C4orf36: variants seen among roughly 807,000 people sequenced by gnomAD.
The protein encoded by C4orf36 is chromosome 4 open reading frame 36.
A neutral mutation model predicts 12.2 loss-of-function variants in C4orf36; 11 were observed. The ratio of observed to expected loss-of-function variants is 0.90; its 90% confidence interval spans 0.57 to 1.49. The LOEUF (loss-of-function observed/expected upper bound fraction) is 1.49, where lower values mean the gene tolerates loss of function less well. Ranked by LOEUF, C4orf36 falls within the 40% of genes most tolerant of loss-of-function variation. The pLI, the probability that C4orf36 is intolerant of heterozygous loss-of-function variation, is 0.00. For synonymous variants in C4orf36, 54 were observed against 51.3 expected, an observed-to-expected ratio of 1.05 and a Z score of -0.22; for missense variants, 137 against 133.9, an observed-to-expected ratio of 1.02 and a Z score of -0.11.
the C4orf36 span, among the ~76,000 whole-genome samples, chr4:86,909,061 A>G: frequency 6.6e-6 from 1 of 152,110 alleles, no homozygotes; most frequent in Admixed American, 6.6e-5. Flanking sequence ...GGATATGCCA[A>G]TCTCTCTGTG....
chr4:86,896,891 G>A (rs182389090), upstream of C4orf36, among the ~76,000 whole-genome samples: 451 of 152,270 alleles, frequency 3.0e-3, 1 homozygote, highest in African/African-American at 9.9e-3. Context: ...AATGGCCCAT[G>A]AGTCTCCTAT....
the C4orf36 span, among the ~76,000 whole-genome samples, chr4:86,916,306 A>G: frequency 5.9e-5 from 9 of 151,430 alleles, no homozygotes; most frequent in Middle Eastern, 6.8e-3. Flanking sequence ...ATCAAGGGAA[A>G]TTCACAGCAG....
At chr4:86,919,914 A>G in the C4orf36 span, among the ~76,000 whole-genome samples, 1 of 152,222 alleles carries the variant, frequency 6.6e-6, no homozygotes, top group South Asian at 2.1e-4. Context: ...GTAGCATCCC[A>G]GCTACTCAGG....
chr4:86,890,480 AAATAAT>A (rs56235500), intron 2 of C4orf36, among the ~76,000 whole-genome samples: 7,973 of 147,204 alleles, frequency 0.054, 288 homozygotes, highest in African/African-American at 0.094. Flanking sequence ...AATGCAAATA[AAATAAT>A]AATAATAATA....
the C4orf36 span, among the ~76,000 whole-genome samples, chr4:86,920,854 G>A: frequency 3.9e-5 from 6 of 151,994 alleles, no homozygotes; most frequent in Admixed American, 6.6e-5. Flanking sequence ...ATATATGGCC[G>A]GGCATGGTGG....
chr4:86,929,038 G>T, the C4orf36 span, among the ~76,000 whole-genome samples: 3 of 152,146 alleles, frequency 2.0e-5, no homozygotes, highest in Non-Finnish European at 4.4e-5. Flanking sequence ...AACCTCCTAT[G>T]CTCTATCATG....
chr4:86,906,948 G>C, the C4orf36 span, among the ~76,000 whole-genome samples: 3 of 152,002 alleles, frequency 2.0e-5, no homozygotes, highest in Admixed American at 2.0e-4. Flanking sequence ...GCTGAGGCAG[G>C]AGAATTGCTT....
chr4:86,928,417 T>C, the C4orf36 span, among the ~76,000 whole-genome samples: 1 of 152,158 alleles, frequency 6.6e-6, no homozygotes, highest in Non-Finnish European at 1.5e-5. Context: ...CCTGCCCTTC[T>C]ATCTCCTCCC....
intron 2 of C4orf36, among the ~76,000 whole-genome samples, chr4:86,890,480 A>AAATAAT (rs56235500): frequency 6.9e-4 from 102 of 147,338 alleles, no homozygotes; most frequent in African/African-American, 2.0e-3. Context: ...AATGCAAATA[A>AAATAAT]AATAATAATA....
the C4orf36 span, among the ~76,000 whole-genome samples, chr4:86,916,718 G>A: frequency 6.6e-6 from 1 of 152,236 alleles, no homozygotes; most frequent in Non-Finnish European, 1.5e-5. Context: ...TAATGATTCT[G>A]CCAGAACCTC....
intron 1 of C4orf36, 27 bp downstream of exon 1, chr4:86,892,156 G>C (rs1411294289): frequency 5.1e-6 from 5 of 985,422 alleles, no homozygotes; most frequent in Admixed American, 6.1e-5. Context: ...AGAAGGGAAC[G>C]GCCTCAGCCT....
chr4:86,910,728 G>C, the C4orf36 span, among the ~76,000 whole-genome samples: 1 of 152,082 alleles, frequency 6.6e-6, no homozygotes, highest in Non-Finnish European at 1.5e-5. Context: ...GACGGAGAAT[G>C]GTTTAGAGGA....
chr4:86,896,383 CTTTCT>C (rs752238785), upstream of C4orf36, among the ~76,000 whole-genome samples: 8 of 152,308 alleles, frequency 5.3e-5, no homozygotes, highest in Non-Finnish European at 1.2e-4. Context: ...GTGACATTTT[CTTTCT>C]TTTAACTTAA....
At chr4:86,911,673 G>A in the C4orf36 span, among the ~76,000 whole-genome samples, 1 of 152,096 alleles carries the variant, frequency 6.6e-6, no homozygotes, top group African/African-American at 2.4e-5. Flanking sequence ...TTGTCTGTCT[G>A]TCTGTCTCTC....
At chr4:86,895,590 G>A (rs1004129605), upstream of C4orf36, among the ~76,000 whole-genome samples, 33 of 152,196 alleles carry the variant, frequency 2.2e-4, no homozygotes, top group Admixed American at 2.2e-3. Context: ...CATGGCCTCT[G>A]CCACTTCCCC....
At chr4:86,933,270 T>C in the C4orf36 span, 1 of 152,206 alleles carries the variant, frequency 6.6e-6, no homozygotes, top group Non-Finnish European at 1.5e-5. Flanking sequence ...ACTGGAATTA[T>C]TTACTTGCTT....
the C4orf36 span, chr4:86,914,890 G>T: frequency 2.8e-6 from 1 of 356,762 alleles, no homozygotes; most frequent in Non-Finnish European, 5.2e-6. Flanking sequence ...GAGGATTCAT[G>T]GACTCTGGGC....
intron 2 of C4orf36, 28 bp from the exon 3 acceptor site, chr4:86,888,303 A>C: frequency 6.2e-7 from 1 of 1,603,866 alleles, no homozygotes; most frequent in South Asian, 1.1e-5. Context: ...TAATCCATTC[A>C]ATAAATATTG....
At chr4:86,932,806 C>T in the C4orf36 span, among the ~76,000 whole-genome samples, 5 of 148,264 alleles carry the variant, frequency 3.4e-5, no homozygotes, top group Non-Finnish European at 5.9e-5. Context: ...AAAAAAGCAC[C>T]GATGTCAGAA....
Sources: gnomAD v4.1 joint callset for allele counts (sites outside exome capture counted in the v4.1 genomes callset) on GRCh38, gnomAD v4.1.1 for gene constraint, MANE v1.5 for transcripts, NCBI Gene and HGNC (gene_info 2026-07-23, HGNC 2026-07-21) for gene names.